The following TIGD4 variants were observed in gnomAD, a reference collection of about 807,000 sequenced individuals.
TIGD4 encodes tigger transposable element-derived protein 4.
TIGD4 carries 20 observed loss-of-function variants against 24.9 expected under a neutral mutation model. The observed-to-expected ratio is 0.80, with a 90% CI of 0.56 to 1.17. TIGD4 has a LOEUF of 1.17. Among genes scored for constraint, TIGD4 ranks in the 50% most tolerant of loss-of-function variants. The pLI, the probability that TIGD4 is intolerant of heterozygous loss-of-function variation, is 0.00. For synonymous variants in TIGD4, 193 were observed against 211.0 expected (o/e 0.91, Z 0.74); for missense variants, 566 against 591.0 (o/e 0.96, Z 0.44).
In TIGD4 at chr4:152,770,444, C is replaced by T. The variant is rs374312046; in HGVS notation, c.561G>A (p.Leu187=). The T allele has an allele frequency of 9.9e-6, 16 of 1,612,882 alleles. No homozygotes were observed. The African/African-American group carries it at 1.7e-4, about 18-fold the overall frequency. ...TATTGGTAGGTAACATTCGATAAAGCAGCCCAGTCTCTTTTATATTAAAAA... is the reference window on the plus strand; with the variant it reads ...TATTGGTAGGTAACATTCGATAAAGTAGCCCAGTCTCTTTTATATTAAAAA... ...KNVFNIKETG[L]LYRMLPTNTF... is the part of the protein sequence containing the mutation. The change falls in exon 2 of 2, where the codon CTG becomes CTA. Residue 187 remains leucine, a synonymous_variant. Coordinates refer to ENST00000304337, the MANE Select transcript of TIGD4 (RefSeq NM_145720.4).
Position 152,770,279 on chromosome 4 carries a change from G to C in TIGD4, c.726C>G (p.Phe242Leu), listed in dbSNP as rs1215513788. The C allele has an allele frequency of 2.5e-6, 4 of 1,613,956 alleles. 1 individual carries two copies. Among genetic ancestry groups the C allele is most frequent in the East Asian group, 4.5e-5 (2 of 44,886 alleles). The change falls in exon 2 of 2, where the codon TTC becomes TTG. Residue 242 changes from phenylalanine to leucine, a missense_variant. Coordinates refer to ENST00000304337, the MANE Select transcript of TIGD4 (RefSeq NM_145720.4). ...VIGKKRTPHC[F>L]KGLKSLPVCY... ...ACACAGGCAATGATTTTAAACCTTTGAAACAATGTGGAGTTCTCTTTTTTC... is the reference window on the plus strand; with the variant it reads ...ACACAGGCAATGATTTTAAACCTTTCAAACAATGTGGAGTTCTCTTTTTTC...
In TIGD4 at chr4:152,769,403, A is replaced by G. The variant is rs1311826328; in HGVS notation, c.*63T>C. ...TTAAGTGGTGTGGTACAACTCCTTT[A>G]CATACCTTATATAATAAAATGTATC... is the stretch of plus-strand genomic sequence containing the variant. On this transcript the variant is annotated 3_prime_UTR_variant, in exon 2 of 2. Transcript: ENST00000304337. 8.3e-7 allele frequency: 1 copy of G among 1,207,124 alleles called. No individual in the cohort carries two copies. Among genetic ancestry groups the G allele is most frequent in the Non-Finnish European group, 1.1e-6 (1 of 885,982 alleles). 74.8% of individuals were successfully genotyped at this position (1,207,124 alleles called of 1,614,324 possible).
chr4:152,774,056 A>C (rs977402413), intron 1 of TIGD4, among the ~76,000 whole-genome samples: 1 of 141,826 alleles, frequency 7.1e-6, no homozygotes, highest in African/African-American at 2.6e-5. Flanking sequence ...CCCTCTCCCA[A>C]TCCCTCCCTC....
chr4:152,772,619 C>T (rs570293551), intron 1 of TIGD4, among the ~76,000 whole-genome samples: 6 of 152,260 alleles, frequency 3.9e-5, no homozygotes, highest in Admixed American at 1.3e-4. Context: ...TGTCTTTTGG[C>T]TGTGTGAATC....
At chr4:152,775,586 G>T (rs1224652151) in intron 1 of TIGD4, among the ~76,000 whole-genome samples, 1 of 152,196 alleles carries the variant, frequency 6.6e-6, no homozygotes, top group Admixed American at 6.5e-5. Context: ...GCTTCTAGAG[G>T]CTTCCCTCAG....
At chr4:152,773,500 G>C (rs1232371115) in intron 1 of TIGD4, among the ~76,000 whole-genome samples, 2 of 152,100 alleles carry the variant, frequency 1.3e-5, no homozygotes, top group Non-Finnish European at 2.9e-5. Context: ...GAGCAGTCCA[G>C]AATCCAGGCT....
chr4:152,776,464 A>C (rs905916570), intron 1 of TIGD4, among the ~76,000 whole-genome samples: 5 of 152,140 alleles, frequency 3.3e-5, no homozygotes, highest in African/African-American at 1.2e-4. Flanking sequence ...GTATCAGAAA[A>C]CATAAAGCTG....
rs1459998388 is a variant in TIGD4 at position 152,770,966 on chromosome 4, T to G, written c.39A>C (p.Val13=). The stretch of plus-strand genomic sequence containing the variant: ...ATAGGCTTTTCTTTTTCTTCACTGT[T>G]ACAGGCAGAGTTGAGGCATCCACAG... ...EASVDASTLP[V]TVKKKKSLSI... is the part of the protein sequence containing the mutation. Residue 13 remains valine, a synonymous_variant, in exon 2 of 2, where the codon GTA becomes GTC. Transcript: ENST00000304337. The G allele has an allele frequency of 6.2e-7, 1 of 1,611,854 alleles. No homozygotes were observed. Among genetic ancestry groups the G allele is most frequent in the Non-Finnish European group, 8.5e-7 (1 of 1,179,564 alleles).
At position 152,771,551 on chromosome 4, in the gene TIGD4, T is replaced by C. The variant is rs1343925172; in HGVS notation, c.-538-9A>G. ...TGCCAGTATATCTTCTTCTGTTGTT[T>C]GAAAAATTAAAAAAAAAGCAATTTT... On this transcript the variant is annotated splice_polypyrimidine_tract_variant and intron_variant, in intron 1 of 1. Transcript: ENST00000304337. The C allele has an allele frequency of 6.1e-6, 1 of 163,868 alleles. No homozygotes were observed. The highest frequency in any genetic ancestry group is 1.5e-5 in the Non-Finnish European group (1 of 68,086). 10.2% of individuals were successfully genotyped at this position (163,868 alleles called of 1,614,324 possible).
chr4:152,772,983 G>C (rs1730202044), intron 1 of TIGD4, among the ~76,000 whole-genome samples: 1 of 152,162 alleles, frequency 6.6e-6, no homozygotes, highest in African/African-American at 2.4e-5. Flanking sequence ...GCCTCCCAAA[G>C]TGCTAGGATT....
chr4:152,775,585 G>A (rs1040960380), intron 1 of TIGD4, among the ~76,000 whole-genome samples: 7 of 152,196 alleles, frequency 4.6e-5, no homozygotes, highest in African/African-American at 1.7e-4. Context: ...AGCTTCTAGA[G>A]GCTTCCCTCA....
chr4:152,772,776 A>G (rs1361344405), intron 1 of TIGD4, among the ~76,000 whole-genome samples: 1 of 151,858 alleles, frequency 6.6e-6, no homozygotes, highest in African/African-American at 2.4e-5. Context: ...CAGTGGCACA[A>G]TCTCGGCTCA....
Position 152,769,478 on chromosome 4 carries a change from TAA to T in TIGD4, c.1525_1526del (p.Leu509IlefsTer3), listed in dbSNP as rs1271291209. On this transcript the variant is annotated frameshift_variant, in exon 2 of 2. Coordinates refer to ENST00000304337, the MANE Select transcript of TIGD4 (RefSeq NM_145720.4). LOFTEE classifies it high-confidence loss of function. Reference protein sequence around the residue: ...LADLENFINSLSPK With the variant: ...LADLENFINSXSPK ...GTACAATACATAGTTACTTAGGTGA[TAA>T]AGAGTTAATAAAATTTTCAAGGTCT... 1.9e-6 allele frequency: 3 copies of T among 1,539,540 alleles called. No homozygotes were observed. The African/African-American group carries it at 4.1e-5, about 21-fold the overall frequency.
At position 152,770,711 on chromosome 4, in the gene TIGD4, A is replaced by G; in HGVS notation, c.294T>C (p.Ala98=). ...EEALMRWYRI[A]QCLNVPVNGP... ...CATTAACTGGTACATTTAGACACTG[A>G]GCAATTCGATACCATCTCATTAATG... is the stretch of plus-strand genomic sequence containing the variant. Residue 98 remains alanine (A), a synonymous_variant, in exon 2 of 2, where the codon GCT becomes GCC. Transcript: ENST00000304337. 1 of 1,613,710 alleles carries G rather than the reference A, an allele frequency of 6.2e-7. No homozygotes were observed. The highest frequency in any genetic ancestry group is 8.5e-7 in the Non-Finnish European group (1 of 1,179,868).
At chr4:152,771,889 T>A (rs779373173) in intron 1 of TIGD4, among the ~76,000 whole-genome samples, 13 of 152,196 alleles carry the variant, frequency 8.5e-5, no homozygotes, top group Non-Finnish European at 1.6e-4. Flanking sequence ...ATTTTTCACA[T>A]GAGGTCACAG....
Position 152,770,673 on chromosome 4 carries a change from C to A in TIGD4, c.332G>T (p.Arg111Leu). 6.2e-7 allele frequency: 1 copy of A among 1,609,192 alleles called. No homozygotes were observed. Among genetic ancestry groups the A allele is most frequent in the Non-Finnish European group, 8.5e-7 (1 of 1,178,634 alleles). ...LNVPVNGPML[R>L]LKANDFAQKL... is the part of the protein sequence containing the mutation. Reference sequence around the variant, plus strand: ...CTGGGCAAAATCATTAGCTTTTAGACGTAACATCGGACCATTAACTGGTAC... The same window carrying A: ...CTGGGCAAAATCATTAGCTTTTAGAAGTAACATCGGACCATTAACTGGTAC... The change falls in exon 2 of 2, where the codon CGT becomes CTT. Residue 111 changes from arginine to leucine, a missense_variant. Physicochemically the swap from Arg to Leu is moderately radical, Grantham distance 102 (BLOSUM62 -2). Coordinates refer to ENST00000304337, the MANE Select transcript of TIGD4 (RefSeq NM_145720.4).
rs1407473174 is a variant in TIGD4 at position 152,770,318 on chromosome 4, A to C, written c.687T>G (p.Pro229=). Residue 229 remains proline (P), a synonymous_variant, in exon 2 of 2, where the codon CCT becomes CCG. Coordinates refer to ENST00000304337, the MANE Select transcript of TIGD4 (RefSeq NM_145720.4). The part of the protein sequence containing the change: ...GTNMDGSEKL[P]LLVIGKKRTP... Reference sequence around the variant, plus strand: ...TTCTCTTTTTTCCAATGACAAGCAAAGGAAGTTTCTCTGAGCCATCCATGT... The same window carrying C: ...TTCTCTTTTTTCCAATGACAAGCAACGGAAGTTTCTCTGAGCCATCCATGT... 2 of 1,613,962 alleles carry C rather than the reference A, an allele frequency of 1.2e-6. No homozygotes were observed. Among genetic ancestry groups the C allele is most frequent in the Admixed American group, 3.3e-5 (2 of 59,988 alleles).
rs755093865 is a variant in TIGD4 at position 152,770,745 on chromosome 4, A to C, written c.260T>G (p.Leu87Arg). 2 of 1,613,440 alleles carry C rather than the reference A, an allele frequency of 1.2e-6. No homozygotes were observed. Among genetic ancestry groups the C allele is most frequent in the Middle Eastern group, 3.3e-4 (2 of 6,082 alleles). Residue 87 changes from leucine to arginine, a missense_variant, in exon 2 of 2, where the codon CTG becomes CGG. Coordinates refer to ENST00000304337, the MANE Select transcript of TIGD4 (RefSeq NM_145720.4). Reference protein sequence around the residue: ...KRLRTAFYTDLEEALMRWYRI... With the variant: ...KRLRTAFYTDREEALMRWYRI... The stretch of plus-strand genomic sequence containing the variant: ...ATACCATCTCATTAATGCCTCTTCC[A>C]GATCTGTGTAAAAAGCAGTTCTCAG...
rs1323560490 is a variant in TIGD4 at position 152,771,061 on chromosome 4, TAATTA to T, written c.-62_-58del. 3.9e-6 allele frequency: 6 copies of T among 1,520,492 alleles called. No individual in the cohort carries two copies. The African/African-American group carries it at 5.6e-5, about 14-fold the overall frequency. The allele number at this position is 1,520,492 out of a possible 1,614,324, so 94.2% of individuals were successfully genotyped here. On this transcript the variant is annotated 5_prime_UTR_variant, in exon 2 of 2. Coordinates refer to ENST00000304337, the MANE Select transcript of TIGD4 (RefSeq NM_145720.4). ...CTTAACTTCCTGGTGACTGTTTCTTTAATTAAATTTGTTTTCCAGTATAATATAGA... is the reference window on the plus strand; with the variant it reads ...CTTAACTTCCTGGTGACTGTTTCTTTAATTTGTTTTCCAGTATAATATAGA...
Sources: allele counts gnomAD v4.1 joint callset (sites outside exome capture counted in the v4.1 genomes callset), GRCh38; gene constraint gnomAD v4.1.1; transcripts MANE v1.5; gene names NCBI Gene and HGNC (gene_info 2026-07-23, HGNC 2026-07-21).